CEP89: variants seen among roughly 807,000 people sequenced by gnomAD.
CEP89 encodes centrosomal protein of 89 kDa.
Under a neutral mutation model 97.6 loss-of-function variants are expected in CEP89, and 95 were observed. The observed-to-expected ratio is 0.97, with a 90% confidence interval of 0.82 to 1.15. CEP89 has a LOEUF of 1.15. CEP89 is among the 50% of genes most tolerant of loss of function. CEP89 has a pLI of 0.00. For missense variants in CEP89, 869 were observed against 947.7 expected (o/e 0.92, Z 1.09); for synonymous variants, 354 against 349.1 (o/e 1.01, Z -0.16).
At chr19:32,956,307 G>A (rs1971047632) in intron 3 of CEP89, among the ~76,000 whole-genome samples, 1 of 151,476 alleles carries the variant, frequency 6.6e-6, no homozygotes, top group South Asian at 2.1e-4. Context: ...GTCCATCTCG[G>A]CCTCCCAAAA....
chr19:32,942,882 C>T (rs1970717592), intron 5 of CEP89, among the ~76,000 whole-genome samples: 1 of 148,740 alleles, frequency 6.7e-6, no homozygotes, highest in African/African-American at 2.5e-5. Context: ...CAGGGTCTCA[C>T]TCTGTCACCC....
chr19:32,943,945 G>A lies in CEP89; in HGVS notation c.596-4060C>T, dbSNP rs112464129. ...CTTTGTGCTTTGAAAAGATGGCTCT[G>A]GGCCAGATGAGGTGTCTCATGCCTG... On this transcript the variant is annotated intron_variant, in intron 5 of 18. Coordinates refer to ENST00000305768, the MANE Select transcript of CEP89 (RefSeq NM_032816.5). Among the ~76,000 whole-genome samples the A allele has an allele frequency of 7.5e-3, 1,142 of 151,990 alleles. 14 individuals are homozygous for A. Among genetic ancestry groups the A allele is most frequent in the African/African-American group, 0.026 (1,081 of 41,460 alleles).
intron 3 of CEP89, among the ~76,000 whole-genome samples, chr19:32,958,043 G>A (rs554372067): frequency 6.7e-6 from 1 of 148,594 alleles, no homozygotes; most frequent in East Asian, 2.0e-4. Context: ...AAAATACAAT[G>A]GGGATAGTCC....
At chr19:32,931,005 C>A (rs1408439579) in intron 9 of CEP89, among the ~76,000 whole-genome samples, 2 of 152,160 alleles carry the variant, frequency 1.3e-5, no homozygotes, top group African/African-American at 4.8e-5. Context: ...CTTGCCTCAG[C>A]CTCCTGAGTA....
intron 9 of CEP89, among the ~76,000 whole-genome samples, chr19:32,927,903 C>CTTTTTTTTTTTTTTTTT (rs60706354): frequency 8.6e-6 from 1 of 116,348 alleles, no homozygotes; most frequent in Non-Finnish European, 1.7e-5. Flanking sequence ...GCACACTTGG[C>CTTTTTTTTTTTTTTTTT]TTTTTTTTTT....
chr19:32,901,581 G>A (rs933846456), intron 14 of CEP89, among the ~76,000 whole-genome samples, 169 bp from the exon 15 acceptor site: 12 of 151,870 alleles, frequency 7.9e-5, no homozygotes, highest in Admixed American at 6.6e-4. Flanking sequence ...AGAGGACCTG[G>A]GACCAAGCTG....
At chr19:32,951,708 T>C (rs1205017136) in intron 4 of CEP89, among the ~76,000 whole-genome samples, 1 of 151,926 alleles carries the variant, frequency 6.6e-6, no homozygotes, top group African/African-American at 2.4e-5. Context: ...ACCCTAATGG[T>C]AACATTTTAT....
chr19:32,880,887 A>G (rs1387246406), intron 18 of CEP89, among the ~76,000 whole-genome samples: 1 of 152,120 alleles, frequency 6.6e-6, no homozygotes, highest in Non-Finnish European at 1.5e-5. Context: ...GTGACAGAAA[A>G]TCTCAGGACC....
chr19:32,893,485 C>T (rs1241501690), intron 16 of CEP89, among the ~76,000 whole-genome samples: 1 of 152,168 alleles, frequency 6.6e-6, no homozygotes, highest in Admixed American at 6.5e-5. Context: ...AGACAGAAAA[C>T]TAACAAAGAA....
intron 13 of CEP89, among the ~76,000 whole-genome samples, chr19:32,917,531 G>A (rs138137692): frequency 6.6e-6 from 1 of 152,190 alleles, no homozygotes; most frequent in Non-Finnish European, 1.5e-5. Flanking sequence ...ATGCAAGATG[G>A]CTTGTGTTTC....
chr19:32,964,107 C>G (rs1971232132), intron 2 of CEP89, among the ~76,000 whole-genome samples: 1 of 151,990 alleles, frequency 6.6e-6, no homozygotes, highest in Admixed American at 6.6e-5. Context: ...AAATACCTGC[C>G]TAGTATAAGG....
rs752027879 is a variant in CEP89 at position 32,879,333 on chromosome 19, C to A, written c.2181G>T (p.Arg727Ser). Reference protein sequence around the residue: ...ELEVIWESTFRENRRIRELLQ... With the variant: ...ELEVIWESTFSENRRIRELLQ... ...GAAGTTCTCGGATTCTTCGGTTTTC[C>A]CTGAAGGTAGATTCCCAAATAACTT... is the stretch of plus-strand genomic sequence containing the variant. Residue 727 changes from arginine (R) to serine (S), a missense_variant, in exon 19 of 19, where the codon AGG becomes AGT. By Grantham distance (110) the Arg-to-Ser change is moderately radical. Transcript: ENST00000305768. 6.2e-7 allele frequency: 1 copy of A among 1,614,230 alleles called. No homozygotes were observed. The highest frequency in any genetic ancestry group is 8.5e-7 in the Non-Finnish European group (1 of 1,180,052).
chr19:32,950,649 A>C (rs28581517), intron 4 of CEP89, among the ~76,000 whole-genome samples: 1 of 152,064 alleles, frequency 6.6e-6, no homozygotes, highest in South Asian at 2.1e-4. Flanking sequence ...TGGTACATAT[A>C]CCCTATGACC....
At chr19:32,894,840 T>C (rs1969606392) in intron 16 of CEP89, among the ~76,000 whole-genome samples, 1 of 152,242 alleles carries the variant, frequency 6.6e-6, no homozygotes, top group Non-Finnish European at 1.5e-5. Flanking sequence ...CTTCTTCACC[T>C]GCTCTTACTT....
intron 2 of CEP89, among the ~76,000 whole-genome samples, chr19:32,960,948 A>C (rs1489486604): frequency 6.6e-6 from 1 of 152,184 alleles, no homozygotes; most frequent in Non-Finnish European, 1.5e-5. Flanking sequence ...AGCTGAGAGA[A>C]TGTGTAGGAT....
chr19:32,935,528 A>C (rs771323743), intron 7 of CEP89, among the ~76,000 whole-genome samples: 4 of 152,242 alleles, frequency 2.6e-5, no homozygotes, highest in Non-Finnish European at 4.4e-5. Context: ...GATACACATC[A>C]TGAAAAATGA....
Position 32,931,513 on chromosome 19 carries a change from A to G in CEP89, c.945T>C (p.Asn315=). The G allele has an allele frequency of 6.3e-7, 1 of 1,588,284 alleles. No individual in the cohort carries two copies. Among genetic ancestry groups the G allele is most frequent in the Non-Finnish European group, 8.5e-7 (1 of 1,174,150 alleles). Residue 315 remains asparagine, a synonymous_variant, in exon 9 of 19, where the codon AAT becomes AAC. Coordinates refer to ENST00000305768, the MANE Select transcript of CEP89 (RefSeq NM_032816.5). ...GATGGACAGTCATTTTCAATCCATC[A>G]TTTTCATCCACCAGTTCTTGAGCTT... ...RKQAQELVDE[N]DGLKMTVHRL...
intron 4 of CEP89, among the ~76,000 whole-genome samples, chr19:32,952,343 T>A (rs1395063482): frequency 2.0e-5 from 3 of 147,292 alleles, no homozygotes; most frequent in Non-Finnish European, 3.0e-5. Flanking sequence ...AAGCCAGTTG[T>A]GGTGCCGCGT....
chr19:32,939,128 G>A (rs1441350463), intron 6 of CEP89, among the ~76,000 whole-genome samples: 2 of 152,022 alleles, frequency 1.3e-5, no homozygotes, highest in Non-Finnish European at 2.9e-5. Context: ...GCATGTGCCT[G>A]TAGTCCCAGC....
Sources: gnomAD v4.1 joint callset for allele counts (sites outside exome capture counted in the v4.1 genomes callset) on GRCh38, gnomAD v4.1.1 for gene constraint, MANE v1.5 for transcripts, NCBI Gene and HGNC (gene_info 2026-07-23, HGNC 2026-07-21) for gene names.